The following ROR1 variants were observed in gnomAD, a reference collection of about 807,000 sequenced individuals.
The protein encoded by ROR1 is inactive tyrosine-protein kinase transmembrane receptor ROR1.
Under a neutral mutation model 78.8 loss-of-function variants are expected in ROR1, and 19 were observed. The ratio of observed to expected loss-of-function variants is 0.24; its 90% CI spans 0.17 to 0.35. The LOEUF is 0.35. Ranked by LOEUF, ROR1 falls within the 10% of genes least tolerant of loss-of-function variation. The probability of loss-of-function intolerance (pLI) is 1.00; values close to 1 mark genes in which losing one functional copy is unlikely to be tolerated. For synonymous variants in ROR1, 386 were observed against 433.6 expected, an observed-to-expected ratio of 0.89 and a Z score of 1.36; for missense variants, 917 against 1,177.8, an observed-to-expected ratio of 0.78 and a Z score of 3.24.
In ROR1 at chr1:64,043,843, C is replaced by T. The variant is rs78827963; in HGVS notation, c.164-5848C>T. On this transcript the variant is annotated intron_variant, in intron 2 of 8. Coordinates refer to ENST00000371079, the MANE Select transcript of ROR1 (RefSeq NM_005012.4). ...AGTTTCCTTATCTCTAAAATGTGGTCAGTTTTAGAGTCTACCTCATAGGAT... is the reference window on the plus strand; with the variant it reads ...AGTTTCCTTATCTCTAAAATGTGGTTAGTTTTAGAGTCTACCTCATAGGAT... Among the ~76,000 whole-genome samples the T allele has an allele frequency of 3.8e-3, 585 of 152,164 alleles. 7 individuals are homozygous for T. Among genetic ancestry groups the T allele is most frequent in the African/African-American group, 0.013 (557 of 41,514 alleles).
chr1:63,843,385 T>C (rs1645061249), intron 1 of ROR1: 1 of 776,106 alleles, frequency 1.3e-6, no homozygotes, highest in South Asian at 1.4e-5. Context: ...ACCCAGAAGA[T>C]AAACACCAGG....
At position 63,950,533 on chromosome 1, in the gene ROR1, T is replaced by C. The variant is rs978521509; in HGVS notation, c.92-58772T>C. On this transcript the variant is annotated intron_variant, in intron 1 of 8. Coordinates refer to ENST00000371079, the MANE Select transcript of ROR1 (RefSeq NM_005012.4). ...TTTGGCTGCCTTCTTTACTGCATCC[T>C]GTTTTAGTAGCAGGGTTTTTGTGAC... 2.4e-4 allele frequency among the ~76,000 whole-genome samples: 37 copies of C among 152,232 alleles called. 1 individual carries two copies. Among genetic ancestry groups the C allele is most frequent in the Non-Finnish European group, 5.0e-4 (34 of 68,038 alleles).
intron 8 of ROR1, among the ~76,000 whole-genome samples, chr1:64,175,844 A>G (rs960936518): frequency 6.6e-6 from 1 of 152,180 alleles, no homozygotes; most frequent in Non-Finnish European, 1.5e-5. Context: ...TTTTTTACCA[A>G]ATTATCTAAA....
Position 64,009,335 on chromosome 1 carries a change from T to C in ROR1, c.122T>C (p.Val41Ala), listed in dbSNP as rs1646457008. 1 of 1,613,744 alleles carries C rather than the reference T, an allele frequency of 6.2e-7. No homozygotes were observed. The highest frequency in any genetic ancestry group is 1.7e-5 in the Admixed American group (1 of 59,988). ...GAGCTGTCAGTCAGTGCTGAATTAG[T>C]GCCTACCTCATCATGGAACATCTCA... ...ETELSVSAEL[V>A]PTSSWNISSE... is the part of the protein sequence containing the mutation. The change falls in exon 2 of 9, where the codon GTG becomes GCG. Residue 41 changes from valine (V) to alanine (A), a missense_variant. Val to Ala is a moderately conservative substitution (Grantham distance 64, BLOSUM62 0). This residue lies in a region of ROR1 where 63 missense variants were observed against 57.0 expected (regional missense o/e 1.10). Transcript: ENST00000371079.
At chr1:63,892,161 T>G (rs1339050522) in intron 1 of ROR1, among the ~76,000 whole-genome samples, 1 of 152,204 alleles carries the variant, frequency 6.6e-6, no homozygotes, top group Admixed American at 6.5e-5. Context: ...CAAAGATTAA[T>G]GGACTATGAT....
chr1:63,781,419 T>C (rs933014185), intron 1 of ROR1, among the ~76,000 whole-genome samples: 1 of 152,084 alleles, frequency 6.6e-6, no homozygotes, highest in Non-Finnish European at 1.5e-5. Context: ...AATGATTAAG[T>C]TGGGATTTGG....
chr1:63,806,485 T>G (rs1293417916), intron 1 of ROR1, among the ~76,000 whole-genome samples: 3 of 151,986 alleles, frequency 2.0e-5, no homozygotes, highest in African/African-American at 7.2e-5. Flanking sequence ...GCCCTGCTAA[T>G]TGTTTGTATT....
chr1:64,178,056 A>G lies in ROR1; in HGVS notation c.2015A>G (p.Asp672Gly). ...ATCATGTATGGCAAATTCTCTTCTGATTCAGATATCTGGTCCTTTGGGGTT... is the reference window on the plus strand; with the variant it reads ...ATCATGTATGGCAAATTCTCTTCTGGTTCAGATATCTGGTCCTTTGGGGTT... ...EAIMYGKFSS[D>G]SDIWSFGVVL... Residue 672 changes from aspartate to glycine, a missense_variant, in exon 9 of 9, where the codon GAT (aspartate) becomes GGT (glycine). Physicochemically the swap from Asp to Gly is moderately conservative, Grantham distance 94. Around this residue, in one of 3 missense-constraint regions of ROR1, gnomAD observed 835 missense variants for 1,069.8 expected, o/e 0.78. Transcript: ENST00000371079. This position sits in a 1 kb window ranked among gnomAD's most constrained non-coding sequence, Gnocchi z 4.3. 1 of 1,614,108 alleles carries G rather than the reference A, an allele frequency of 6.2e-7. No individual in the cohort carries two copies.
At chr1:63,846,936 G>A (rs769061401) in intron 1 of ROR1, among the ~76,000 whole-genome samples, 1 of 152,170 alleles carries the variant, frequency 6.6e-6, no homozygotes, top group Non-Finnish European at 1.5e-5. Flanking sequence ...CACTAAGGGG[G>A]ATCTGTAGGA....
chr1:64,080,643 T>A (rs543371870), intron 4 of ROR1, among the ~76,000 whole-genome samples: 38 of 152,184 alleles, frequency 2.5e-4, no homozygotes, highest in African/African-American at 8.7e-4. Context: ...AACACATCCC[T>A]CCCTGGATAA....
chr1:64,131,793 T>C (rs2100699723), intron 4 of ROR1, among the ~76,000 whole-genome samples: 1 of 152,216 alleles, frequency 6.6e-6, no homozygotes, highest in East Asian at 1.9e-4. Context: ...TTTTTCATTT[T>C]TAATTTTGTA....
At chr1:63,898,503 T>C (rs1369945585) in intron 1 of ROR1, among the ~76,000 whole-genome samples, 1 of 140,430 alleles carries the variant, frequency 7.1e-6, no homozygotes, top group Non-Finnish European at 1.5e-5. Flanking sequence ...AAACACATAT[T>C]GAAAAAAAGG....
At chr1:63,993,429 G>A (rs1270809493) in intron 1 of ROR1, among the ~76,000 whole-genome samples, 1 of 152,126 alleles carries the variant, frequency 6.6e-6, no homozygotes, top group Admixed American at 6.5e-5. Context: ...GAAACCACCA[G>A]TTCCCCTTCT....
intron 4 of ROR1, among the ~76,000 whole-genome samples, chr1:64,115,187 TCCACC>T (rs1648271346): frequency 6.6e-6 from 1 of 152,020 alleles, no homozygotes; most frequent in African/African-American, 2.4e-5. Flanking sequence ...GGTACCTTGC[TCCACC>T]ATTTACTAAC....
At chr1:63,868,978 G>A (rs142853260) in intron 1 of ROR1, among the ~76,000 whole-genome samples, 2 of 152,302 alleles carry the variant, frequency 1.3e-5, no homozygotes, top group East Asian at 3.9e-4. Flanking sequence ...GCCAACAGTT[G>A]TGTATTTCTT....
At chr1:64,088,653 T>C (rs1325752343) in intron 4 of ROR1, among the ~76,000 whole-genome samples, 2 of 152,158 alleles carry the variant, frequency 1.3e-5, no homozygotes, top group Non-Finnish European at 2.9e-5. Context: ...TAGCTCCAGT[T>C]CTGATCCCAC....
At chr1:63,867,130 T>C (rs1360434288) in intron 1 of ROR1, among the ~76,000 whole-genome samples, 1 of 152,228 alleles carries the variant, frequency 6.6e-6, no homozygotes, top group Non-Finnish European at 1.5e-5. Context: ...ACAGTCTCAC[T>C]CCTGCTGGAC....
At chr1:63,843,167 T>A (rs182561033) in intron 1 of ROR1, 35 of 1,072,892 alleles carry the variant, frequency 3.3e-5, no homozygotes, top group Non-Finnish European at 4.0e-5. Context: ...TGCCAGATGC[T>A]CCAGGCAGGT....
At chr1:63,850,846 G>T (rs1264563700) in intron 1 of ROR1, among the ~76,000 whole-genome samples, 1 of 152,166 alleles carries the variant, frequency 6.6e-6, no homozygotes, top group Non-Finnish European at 1.5e-5. Context: ...TATGTTGGGG[G>T]TGCATAGCAG....
Sources: allele counts gnomAD v4.1 joint callset (sites outside exome capture counted in the v4.1 genomes callset), GRCh38; gene constraint gnomAD v4.1.1; regional missense constraint gnomAD v4.1.1; non-coding constraint Gnocchi (gnomAD v3.1); transcripts MANE v1.5; gene names NCBI Gene and HGNC (gene_info 2026-07-23, HGNC 2026-07-21).